Variants in FAM124A observed in about 807,000 individuals in gnomAD.
FAM124A encodes the protein family with sequence similarity 124 member A, also known as protein FAM124A.
A neutral mutation model predicts 24.5 loss-of-function variants in FAM124A; 23 were observed. The ratio of observed to expected loss-of-function variants is 0.94; its 90% CI spans 0.68 to 1.33. The LOEUF is 1.33. Among genes scored for constraint, FAM124A ranks in the 40% most tolerant of loss-of-function variants. The pLI, the probability that FAM124A is intolerant of heterozygous loss-of-function variation, is 0.00. For missense variants in FAM124A, 623 were observed against 722.8 expected, an observed-to-expected ratio of 0.86 and a Z score of 1.58; for synonymous variants, 287 against 314.7, an observed-to-expected ratio of 0.91 and a Z score of 0.93.
intron 2 of FAM124A, among the ~76,000 whole-genome samples, chr13:51,246,199 A>G (rs1291071219): frequency 6.6e-6 from 1 of 152,218 alleles, no homozygotes; most frequent in Non-Finnish European, 1.5e-5. Context: ...GTGTTTTACC[A>G]TAATTCAACA....
rs143623611 is a variant in FAM124A, at chr13:51,280,718, C to T, written c.1103C>T (p.Thr368Met). 6.4e-4 allele frequency: 1,035 copies of T among 1,614,076 alleles called. 1 individual carries two copies. Among genetic ancestry groups the T allele is most frequent in the Non-Finnish European group, 8.0e-4 (944 of 1,180,040 alleles). The change falls in exon 4 of 4, where the codon ACG becomes ATG. Residue 368 changes from threonine (T) to methionine (M), a missense_variant. By Grantham distance (81) the Thr-to-Met change is moderately conservative. Transcript: ENST00000322475. ...AGCAAGTCCTTGTTTTGTTTGCCCA[C>T]GGGAGGCCCCTCCCTGGCCTCCTCA... The part of the protein sequence containing the change: ...QRSKSLFCLP[T>M]GGPSLASSAE...
intron 1 of FAM124A, 103 bp downstream of exon 1, chr13:51,222,672 G>A: frequency 1.8e-6 from 2 of 1,109,392 alleles, no homozygotes; most frequent in Non-Finnish European, 2.3e-6. Flanking sequence ...CGGGACCGGG[G>A]CGCGGGGCTT....
At chr13:51,254,677 C>T (rs1954658021) in intron 3 of FAM124A, among the ~76,000 whole-genome samples, 1 of 152,028 alleles carries the variant, frequency 6.6e-6, no homozygotes, top group Non-Finnish European at 1.5e-5. Context: ...TCCTGGTGAC[C>T]CCTGGAAGAA....
At chr13:51,224,158 A>T (rs1188756468) in intron 1 of FAM124A, among the ~76,000 whole-genome samples, 2 of 152,236 alleles carry the variant, frequency 1.3e-5, no homozygotes, top group South Asian at 4.1e-4. Flanking sequence ...GTGTAGTTGT[A>T]ACAGGACAGA....
At position 51,251,478 on chromosome 13, in the gene FAM124A, C is replaced by T. The variant is rs1303307696; in HGVS notation, c.111C>T (p.Ser37=). Residue 37 remains serine (S), a synonymous_variant, in exon 3 of 4, where the codon TCC becomes TCT. Transcript: ENST00000322475. This position sits in a 1 kb window ranked among gnomAD's most constrained non-coding sequence, Gnocchi z 5.3. ...TTTGCGTGCCCCCAGGTGAGCTTTC[C>T]GTTGAAGAGGCGCAGGACCCTTTCC... ...SHLSSTSSEL[S]VEEAQDPFLV... The T allele has an allele frequency of 1.3e-5, 19 of 1,501,458 alleles. No individual in the cohort carries two copies. The highest frequency in any genetic ancestry group is 4.6e-5 in the Admixed American group (2 of 43,544). 93.0% of individuals were successfully genotyped at this position (1,501,458 alleles called of 1,614,324 possible).
At chr13:51,260,466 G>C (rs973646243) in intron 3 of FAM124A, among the ~76,000 whole-genome samples, 2 of 152,214 alleles carry the variant, frequency 1.3e-5, no homozygotes, top group Non-Finnish European at 2.9e-5. Flanking sequence ...GTGCAGGAAA[G>C]CATTTACCCT....
rs896847151 is a variant in FAM124A at position 51,251,216 on chromosome 13, C to T, written c.101-252C>T. On this transcript the variant is annotated intron_variant, in intron 2 of 3. Coordinates refer to ENST00000322475, the MANE Select transcript of FAM124A (RefSeq NM_001242312.2). The surrounding 1 kb of genome is among the most constrained non-coding windows in gnomAD (Gnocchi z 5.3). ...CCAACCAACCTGATGAAATACAGGA[C>T]CAAGGTTCTCCTCACCCTGTCCAGC... is the stretch of plus-strand genomic sequence containing the variant. 6.6e-6 allele frequency among the ~76,000 whole-genome samples: 1 copy of T among 152,144 alleles called. No individual in the cohort carries two copies. Among genetic ancestry groups the T allele is most frequent in the Non-Finnish European group, 1.5e-5 (1 of 68,024 alleles).
At position 51,281,209 on chromosome 13, in the gene FAM124A, G is replaced by C; in HGVS notation, c.1594G>C (p.Gly532Arg). ...TGATGGAGACATGCCACCACCCCCAGGGTCGGCTGGCCCCGGGGATAACGA... is the reference window on the plus strand; with the variant it reads ...TGATGGAGACATGCCACCACCCCCACGGTCGGCTGGCCCCGGGGATAACGA... ...QTDGDMPPPP[G>R]SAGPGDNDME... Residue 532 changes from glycine (G) to arginine (R), a missense_variant, in exon 4 of 4, where the codon GGG (glycine) becomes CGG (arginine). Coordinates refer to ENST00000322475, the MANE Select transcript of FAM124A (RefSeq NM_001242312.2). 3 of 1,605,464 alleles carry C rather than the reference G, an allele frequency of 1.9e-6. No individual in the cohort carries two copies. The highest frequency in any genetic ancestry group is 2.6e-6 in the Non-Finnish European group (3 of 1,176,002).
intron 1 of FAM124A, chr13:51,227,319 T>C (rs1954325632): frequency 6.6e-6 from 1 of 152,212 alleles, no homozygotes; most frequent in Non-Finnish European, 1.5e-5. Context: ...TCCAGTATGC[T>C]TCCCACCTAG....
rs146729283 is a variant in FAM124A at position 51,280,609 on chromosome 13, C to T, written c.994C>T (p.Arg332Trp). The change falls in exon 4 of 4, where the codon CGG becomes TGG. Residue 332 changes from arginine to tryptophan, a missense_variant. Transcript: ENST00000322475. ...CAACAGTCCTCACCCGGGGCCCATC[C>T]GGACAGGCCTGCCTCCTGGGCACCA... ...PLNSPHPGPI[R>W]TGLPPGHQQE... The T allele has an allele frequency of 5.1e-5, 83 of 1,614,084 alleles. No individual in the cohort carries two copies. The Middle Eastern group carries it at 6.6e-4, about 13-fold the overall frequency.
At position 51,222,494 on chromosome 13, in the gene FAM124A, C is replaced by T. The variant is rs908232546; in HGVS notation, c.-8C>T. 1 of 1,224,066 alleles carries T rather than the reference C, an allele frequency of 8.2e-7. No individual in the cohort carries two copies. The highest frequency in any genetic ancestry group is 1.0e-6 in the Non-Finnish European group (1 of 984,670). 75.8% of individuals were successfully genotyped at this position (1,224,066 alleles called of 1,614,324 possible). A position where few individuals can be genotyped will look rare whatever the true frequency, so the allele number is the denominator to read the frequency against. On this transcript the variant is annotated 5_prime_UTR_variant, in exon 1 of 4. The change creates a new upstream start codon in the 5' untranslated region. Transcript: ENST00000322475. Reference sequence around the variant, plus strand: ...GCCCGCAAGCCGAGCGCGGCCGGGACGTGCACCATGGACCCAAAGGCGGGC... The same window carrying T: ...GCCCGCAAGCCGAGCGCGGCCGGGATGTGCACCATGGACCCAAAGGCGGGC...
intron 3 of FAM124A, among the ~76,000 whole-genome samples, chr13:51,277,565 C>T (rs1432406729): frequency 4.6e-5 from 7 of 152,194 alleles, no homozygotes; most frequent in Admixed American, 6.5e-5. Flanking sequence ...GAGGCCGAGG[C>T]GGGTGGACCA....
Position 51,258,822 on chromosome 13 carries a change from A to G in FAM124A, c.834+6621A>G, listed in dbSNP as rs1196617035. Among the ~76,000 whole-genome samples the G allele has an allele frequency of 2.0e-5, 3 of 152,218 alleles. No homozygotes were observed. Among genetic ancestry groups the G allele is most frequent in the Non-Finnish European group, 2.9e-5 (2 of 68,036 alleles). Reference sequence around the variant, plus strand: ...CAGCACCCATGACCCGGGAATGGCAACCGTTACCACACACAGGTGGATGGG... The same window carrying G: ...CAGCACCCATGACCCGGGAATGGCAGCCGTTACCACACACAGGTGGATGGG... On this transcript the variant is annotated intron_variant, in intron 3 of 3. Transcript: ENST00000322475. The surrounding 1 kb of genome is among the most constrained non-coding windows in gnomAD (Gnocchi z 4.2).
At chr13:51,246,956 C>A (rs1954571074) in intron 2 of FAM124A, among the ~76,000 whole-genome samples, 1 of 152,240 alleles carries the variant, frequency 6.6e-6, no homozygotes, top group Non-Finnish European at 1.5e-5. Flanking sequence ...GCATTCCTTT[C>A]ACTTGTGCAC....
chr13:51,251,584 C>T lies in FAM124A; in HGVS notation c.217C>T (p.His73Tyr), dbSNP rs754250459. 11 of 1,560,936 alleles carry T rather than the reference C, an allele frequency of 7.0e-6. No homozygotes were observed. The highest frequency in any genetic ancestry group is 1.4e-5 in the African/African-American group (1 of 73,858). ...EAIDNVLAWI[H>Y]PDLPLFRVSE... The stretch of plus-strand genomic sequence containing the variant: ...CATCGACAACGTCCTGGCGTGGATC[C>T]ACCCCGACCTCCCGCTGTTCCGGGT... The change falls in exon 3 of 4, where the codon CAC becomes TAC. Residue 73 changes from histidine (H) to tyrosine (Y), a missense_variant. Coordinates refer to ENST00000322475, the MANE Select transcript of FAM124A (RefSeq NM_001242312.2). The surrounding 1 kb of genome is among the most constrained non-coding windows in gnomAD (Gnocchi z 5.3).
At chr13:51,235,682 A>C (rs955636588) in intron 2 of FAM124A, among the ~76,000 whole-genome samples, 2 of 152,206 alleles carry the variant, frequency 1.3e-5, no homozygotes, top group African/African-American at 4.8e-5. Flanking sequence ...CTCAAAACTC[A>C]GTTAGTCATG....
In FAM124A at chr13:51,281,445, G is replaced by T; in HGVS notation, c.*189G>T. On this transcript the variant is annotated 3_prime_UTR_variant, in exon 4 of 4. Transcript: ENST00000322475. ...CTAGAGACACAGCAGAAAAATACTGGCATTTTTATGCAAATAAATTCTCAA... is the reference window on the plus strand; with the variant it reads ...CTAGAGACACAGCAGAAAAATACTGTCATTTTTATGCAAATAAATTCTCAA... 6.3e-6 allele frequency: 3 copies of T among 477,882 alleles called. No homozygotes were observed. The highest frequency in any genetic ancestry group is 3.3e-5 in the East Asian group (1 of 30,526). The allele number at this position is 477,882 out of a possible 1,614,324, so 29.6% of individuals were successfully genotyped here.
At chr13:51,278,002 G>A (rs1473093413) in intron 3 of FAM124A, among the ~76,000 whole-genome samples, 7 of 152,168 alleles carry the variant, frequency 4.6e-5, no homozygotes, top group South Asian at 2.1e-4. Flanking sequence ...CAAATTTCCC[G>A]GGCTGGTTGC....
chr13:51,231,434 G>A (rs1954376393), intron 2 of FAM124A, 55 bp downstream of exon 2: 1 of 1,577,228 alleles, frequency 6.3e-7, no homozygotes, highest in South Asian at 1.1e-5. Context: ...GGAGAGGTCA[G>A]TACCCTAGAG....
Sources: allele counts gnomAD v4.1 joint callset (sites outside exome capture counted in the v4.1 genomes callset), GRCh38; gene constraint gnomAD v4.1.1; non-coding constraint Gnocchi (gnomAD v3.1); transcripts MANE v1.5; gene names NCBI Gene and HGNC (gene_info 2026-07-23, HGNC 2026-07-21).